The following NOL4 variants were observed in gnomAD, a reference collection of about 807,000 sequenced individuals.
The protein encoded by NOL4 is cancer/testis antigen 125.
Under a neutral mutation model 75.9 loss-of-function variants are expected in NOL4, and 17 were observed. That is an observed-to-expected ratio of 0.22 (90% CI 0.15 to 0.34). The LOEUF is 0.34. Among genes scored for constraint, NOL4 ranks in the 10% least tolerant of loss-of-function variants. The pLI is 1.00. For missense variants in NOL4, 614 were observed against 793.5 expected (o/e 0.77, Z 2.72); for synonymous variants, 292 against 289.9 (o/e 1.01, Z -0.07).
chr18:33,995,445 T>C (rs1288975959), intron 6 of NOL4, among the ~76,000 whole-genome samples: 1 of 151,614 alleles, frequency 6.6e-6, no homozygotes, highest in Non-Finnish European at 1.5e-5. Flanking sequence ...AGGACTATAT[T>C]GAATTAATAT....
In NOL4 at chr18:34,113,340, C is replaced by A. The variant is rs116790195; in HGVS notation, c.415-8180G>T. On this transcript the variant is annotated intron_variant, in intron 2 of 10. Transcript: ENST00000261592. The stretch of plus-strand genomic sequence containing the variant: ...TAGCAAAAAAGGAAAATATCCTAGA[C>A]AAGCTTCATTACTGAAGTTCTTAGC... Among the ~76,000 whole-genome samples, 250 of 152,252 alleles carry A rather than the reference C, an allele frequency of 1.6e-3. 1 individual carries two copies. The highest frequency in any genetic ancestry group is 5.8e-3 in the African/African-American group (240 of 41,544).
At chr18:34,030,276 T>A (rs1346194438) in intron 5 of NOL4, among the ~76,000 whole-genome samples, 1 of 152,226 alleles carries the variant, frequency 6.6e-6, no homozygotes, top group South Asian at 2.1e-4. Flanking sequence ...AGACAGAGCA[T>A]AACTAGGTTA....
chr18:34,163,497 T>C (rs964511278), intron 1 of NOL4, among the ~76,000 whole-genome samples: 1 of 151,906 alleles, frequency 6.6e-6, no homozygotes, highest in Non-Finnish European at 1.5e-5. Context: ...CACAACTGCT[T>C]CAAAGAGAAT....
intron 8 of NOL4, among the ~76,000 whole-genome samples, chr18:33,951,830 GA>G (rs2069247318): frequency 6.6e-6 from 1 of 152,080 alleles, no homozygotes; most frequent in African/African-American, 2.4e-5. Context: ...TCATAGAGAG[GA>G]AAATAGAGAA....
chr18:34,085,610 C>T (rs1051381567), intron 5 of NOL4, among the ~76,000 whole-genome samples: 3 of 151,900 alleles, frequency 2.0e-5, no homozygotes. Context: ...AACAAGCACT[C>T]GTTTATATGA....
At chr18:33,888,248 C>T (rs1046167784) in intron 9 of NOL4, among the ~76,000 whole-genome samples, 3 of 152,268 alleles carry the variant, frequency 2.0e-5, no homozygotes, top group South Asian at 4.1e-4. Flanking sequence ...TCATATCCTT[C>T]ACCCACTTTT....
At chr18:34,046,987 C>T (rs1027541723) in intron 5 of NOL4, among the ~76,000 whole-genome samples, 2 of 152,068 alleles carry the variant, frequency 1.3e-5, no homozygotes, top group Admixed American at 6.6e-5. Context: ...TGACTTCCTG[C>T]TTTGTCTCCA....
chr18:34,064,256 C>A (rs1237744756), intron 5 of NOL4, among the ~76,000 whole-genome samples: 2 of 151,952 alleles, frequency 1.3e-5, no homozygotes, highest in Non-Finnish European at 2.9e-5. Flanking sequence ...TTCTTATTTG[C>A]TGAAATTTAA....
chr18:34,105,117 C>T lies in NOL4; in HGVS notation c.458G>A (p.Arg153Gln), dbSNP rs1267178451. The change falls in exon 3 of 11, where the codon CGA becomes CAA. Residue 153 changes from arginine (R) to glutamine (Q), a missense_variant. By Grantham distance (43) the Arg-to-Gln change is conservative. Coordinates refer to ENST00000261592, the MANE Select transcript of NOL4 (RefSeq NM_003787.5). ...YAFLPREAVTRFLMSCSECQK... is the reference protein window; with the variant it reads ...YAFLPREAVTQFLMSCSECQK... ...GCACTCTGAGCAGCTCATTAGAAAT[C>T]GTGTCACCGCTTCTCTTGGTAGGAA... The T allele has an allele frequency of 1.2e-6, 2 of 1,612,120 alleles. No individual in the cohort carries two copies. The highest frequency in any genetic ancestry group is 8.5e-7 in the Non-Finnish European group (1 of 1,178,614).
intron 1 of NOL4, among the ~76,000 whole-genome samples, chr18:34,182,864 A>T (rs78766153): frequency 0.013 from 1,934 of 151,928 alleles, 31 homozygotes; most frequent in South Asian, 0.07. Flanking sequence ...TCGTTTACCA[A>T]AAAGTACATG....
chr18:34,210,613 G>A (rs987745866), intron 1 of NOL4, among the ~76,000 whole-genome samples: 3 of 152,196 alleles, frequency 2.0e-5, no homozygotes, highest in Non-Finnish European at 2.9e-5. Context: ...ACAGAAGAAA[G>A]AGAAAGTTAG....
chr18:34,170,362 A>T (rs1193360116), intron 1 of NOL4, among the ~76,000 whole-genome samples: 2 of 150,788 alleles, frequency 1.3e-5, no homozygotes, highest in Non-Finnish European at 3.0e-5. Flanking sequence ...ATTTTATTTT[A>T]TTTTTTTTAG....
intron 5 of NOL4, among the ~76,000 whole-genome samples, chr18:34,053,603 A>G (rs2076714837): frequency 6.6e-6 from 1 of 151,962 alleles, no homozygotes; most frequent in Non-Finnish European, 1.5e-5. Flanking sequence ...CCTCTCTATT[A>G]TCACTCTACT....
At chr18:34,013,476 T>C (rs1234472083) in intron 6 of NOL4, among the ~76,000 whole-genome samples, 1 of 151,938 alleles carries the variant, frequency 6.6e-6, no homozygotes, top group Admixed American at 6.6e-5. Flanking sequence ...CCTTGTCAAC[T>C]AAAGAGTAAA....
intron 1 of NOL4, among the ~76,000 whole-genome samples, chr18:34,205,686 T>C (rs1015810014): frequency 6.6e-6 from 1 of 151,978 alleles, no homozygotes; most frequent in Non-Finnish European, 1.5e-5. Flanking sequence ...CAGAAGCAAA[T>C]TGTATGGGAA....
chr18:33,915,635 G>A (rs921390572), intron 9 of NOL4, among the ~76,000 whole-genome samples: 3 of 151,982 alleles, frequency 2.0e-5, no homozygotes, highest in Non-Finnish European at 2.9e-5. Flanking sequence ...GAGATATATG[G>A]CTTCTAATAA....
intron 5 of NOL4, among the ~76,000 whole-genome samples, chr18:34,085,125 C>A (rs2078187950): frequency 6.6e-6 from 1 of 152,112 alleles, no homozygotes; most frequent in Admixed American, 6.6e-5. Flanking sequence ...ATATATAAAT[C>A]AATAGGTTCA....
At chr18:34,107,743 A>G (rs1164863877) in intron 2 of NOL4, among the ~76,000 whole-genome samples, 2 of 152,152 alleles carry the variant, frequency 1.3e-5, no homozygotes, top group Admixed American at 6.6e-5. Flanking sequence ...TTCGAAATTA[A>G]GAGTCCTGGA....
intron 6 of NOL4, among the ~76,000 whole-genome samples, chr18:34,016,826 C>A (rs2144381201): frequency 6.6e-6 from 1 of 152,260 alleles, no homozygotes; most frequent in Admixed American, 6.6e-5. Flanking sequence ...TCTTGCTCTT[C>A]TCATTTACAT....
Sources: gnomAD v4.1 joint callset for allele counts (sites outside exome capture counted in the v4.1 genomes callset) on GRCh38, gnomAD v4.1.1 for gene constraint, MANE v1.5 for transcripts, NCBI Gene and HGNC (gene_info 2026-07-23, HGNC 2026-07-21) for gene names.